ZDHHC11: variants seen among roughly 807,000 people sequenced by gnomAD.
The protein encoded by ZDHHC11 is palmitoyltransferase ZDHHC11.
ZDHHC11 carries 44 observed loss-of-function variants against 51.3 expected under a neutral mutation model. The ratio of observed to expected loss-of-function variants is 0.86; its 90% CI spans 0.67 to 1.10. ZDHHC11 has a LOEUF of 1.10. Ranked by LOEUF, ZDHHC11 falls within the 50% of genes least tolerant of loss-of-function variation. The pLI is 0.00. For synonymous variants in ZDHHC11, 163 were observed against 222.0 expected (o/e 0.73, Z 2.36); for missense variants, 400 against 537.7 (o/e 0.74, Z 2.53).
intron 12 of ZDHHC11, 97 bp downstream of exon 12, chr5:801,003 G>C (rs550758184): frequency 7.0e-7 from 1 of 1,421,732 alleles, no homozygotes; most frequent in East Asian, 2.3e-5. Flanking sequence ...CCCAGCCCTT[G>C]AGTTTGCACT....
At chr5:859,101 C>T (rs989366495), upstream of ZDHHC11, among the ~76,000 whole-genome samples, 3 of 151,954 alleles carry the variant, frequency 2.0e-5, no homozygotes, top group East Asian at 1.9e-4. Flanking sequence ...GAGATGGACT[C>T]GGGTGGAGGT....
upstream of ZDHHC11, among the ~76,000 whole-genome samples, chr5:852,092 A>G (rs7702532): frequency 0.51 from 76,966 of 151,694 alleles, 23,531 homozygotes; most frequent in African/African-American, 0.87. Context: ...AGTCAAAGTT[A>G]CCAAGGAAGG....
intron 11 of ZDHHC11, among the ~76,000 whole-genome samples, chr5:810,578 C>T (rs971511828): frequency 7.3e-5 from 11 of 151,196 alleles, no homozygotes; most frequent in Non-Finnish European, 1.3e-4. Flanking sequence ...AGTCCCTGAT[C>T]GCTAGAAACA....
intron 12 of ZDHHC11, among the ~76,000 whole-genome samples, chr5:798,810 C>T (rs1265297062): frequency 1.3e-5 from 2 of 151,254 alleles, no homozygotes; most frequent in African/African-American, 4.8e-5. Context: ...TTGAATGAGG[C>T]TAATTCATTT....
chr5:831,067 C>A (rs1472302994), intron 7 of ZDHHC11, among the ~76,000 whole-genome samples: 1 of 149,304 alleles, frequency 6.7e-6, no homozygotes, highest in Non-Finnish European at 1.5e-5. Flanking sequence ...GCAAAGAGCT[C>A]ATGACGAAGA....
chr5:799,694 C>T (rs949171487), intron 12 of ZDHHC11, among the ~76,000 whole-genome samples: 1 of 151,514 alleles, frequency 6.6e-6, no homozygotes, highest in Non-Finnish European at 1.5e-5. Context: ...CACGTAGACT[C>T]AGGCGCTGTT....
At chr5:852,454 T>G (rs188307556), upstream of ZDHHC11, among the ~76,000 whole-genome samples, 1 of 152,338 alleles carries the variant, frequency 6.6e-6, no homozygotes, top group Admixed American at 6.5e-5. Context: ...GAAAAAGTAA[T>G]ACATCCAAAT....
At chr5:819,658 G>A (rs760129770) in intron 9 of ZDHHC11, 46 bp from the exon 10 acceptor site, 1 of 1,586,810 alleles carries the variant, frequency 6.3e-7, no homozygotes, top group Non-Finnish European at 8.6e-7. Context: ...AGTTTTGTAG[G>A]GCGCTCAGGA....
chr5:854,617 CCA>C (rs1226701532), upstream of ZDHHC11, among the ~76,000 whole-genome samples: 3 of 151,118 alleles, frequency 2.0e-5, no homozygotes, highest in Non-Finnish European at 3.0e-5. Flanking sequence ...GGCACAGACC[CCA>C]CAGAGGACAG....
At position 814,741 on chromosome 5, in the gene ZDHHC11, C is replaced by G. The variant is rs771431410; in HGVS notation, c.1181+20G>C. 6.4e-7 allele frequency: 1 copy of G among 1,551,850 alleles called. No individual in the cohort carries two copies. Among genetic ancestry groups the G allele is most frequent in the East Asian group, 2.4e-5 (1 of 42,266 alleles). On this transcript the variant is annotated intron_variant, in intron 11 of 12. Coordinates refer to ENST00000283441, the MANE Select transcript of ZDHHC11 (RefSeq NM_024786.3). ...AGTGTAGAGACAGACAAAACGTTCCCGTTAAACTTACGAACTTACCCAAGT... is the reference window on the plus strand; with the variant it reads ...AGTGTAGAGACAGACAAAACGTTCCGGTTAAACTTACGAACTTACCCAAGT...
rs564620197 is a variant in ZDHHC11 at position 836,103 on chromosome 5, G to A, written c.900+1262C>T. The stretch of plus-strand genomic sequence containing the variant: ...GATATCAGAAGTAGGAGGAAAGGGC[G>A]TCATCACCTGTGCCCAGCCTCCAAG... On this transcript the variant is annotated intron_variant, in intron 6 of 12. Coordinates refer to ENST00000283441, the MANE Select transcript of ZDHHC11 (RefSeq NM_024786.3). Among the ~76,000 whole-genome samples, 3 of 148,130 alleles carry A rather than the reference G, an allele frequency of 2.0e-5. No homozygotes were observed. The South Asian group carries it at 6.4e-4, about 32-fold the overall frequency.
chr5:805,261 A>T lies in ZDHHC11; in HGVS notation c.1182-4097T>A, dbSNP rs1043036112. Among the ~76,000 whole-genome samples the T allele has an allele frequency of 7.9e-5, 12 of 151,192 alleles. 1 individual carries two copies. The highest frequency in any genetic ancestry group is 2.7e-4 in the African/African-American group (11 of 41,132). On this transcript the variant is annotated intron_variant, in intron 11 of 12. Coordinates refer to ENST00000283441, the MANE Select transcript of ZDHHC11 (RefSeq NM_024786.3). ...AAGTCCAGCCTGGCAACATACTGAT[A>T]CCCCATTTCCACAAAAATAATTTAA...
intron 11 of ZDHHC11, among the ~76,000 whole-genome samples, chr5:803,589 A>G (rs1238692888): frequency 6.6e-6 from 1 of 151,168 alleles, no homozygotes; most frequent in Non-Finnish European, 1.5e-5. Context: ...AAAAAATTAT[A>G]GAACATATAA....
intron 1 of ZDHHC11, chr5:850,149 A>G: frequency 1.8e-6 from 1 of 564,468 alleles, no homozygotes; most frequent in Non-Finnish European, 3.1e-6. Flanking sequence ...CTCCTGACAG[A>G]TTCCCTCTCC....
intron 11 of ZDHHC11, 50 bp downstream of exon 11, chr5:814,711 A>T: frequency 6.7e-7 from 1 of 1,493,356 alleles, no homozygotes; most frequent in South Asian, 1.3e-5. Context: ...ATTTGAGTTC[A>T]GGCAAGTGTA....
chr5:806,190 C>T (rs554481555), intron 11 of ZDHHC11, among the ~76,000 whole-genome samples: 1 of 151,144 alleles, frequency 6.6e-6, no homozygotes, highest in East Asian at 1.9e-4. Flanking sequence ...GAAATTAGTG[C>T]AGGGATAGAC....
At chr5:846,783 T>TC (rs1746268772) in intron 3 of ZDHHC11, among the ~76,000 whole-genome samples, 1 of 129,574 alleles carries the variant, frequency 7.7e-6, no homozygotes, top group African/African-American at 3.2e-5. Context: ...ACACCTCTCG[T>TC]CTATGAGCCT....
chr5:842,869 C>T (rs1234025043), intron 4 of ZDHHC11, among the ~76,000 whole-genome samples: 2 of 152,088 alleles, frequency 1.3e-5, no homozygotes, highest in African/African-American at 4.8e-5. Flanking sequence ...TGTGTGACTC[C>T]ACCCCTGCCT....
chr5:803,013 T>C (rs1341566276), intron 11 of ZDHHC11, among the ~76,000 whole-genome samples: 1 of 144,474 alleles, frequency 6.9e-6, no homozygotes, highest in African/African-American at 2.6e-5. Flanking sequence ...AGAGCGAGAC[T>C]CTATCTCAAA....
Sources: allele counts gnomAD v4.1 joint callset (sites outside exome capture counted in the v4.1 genomes callset), GRCh38; gene constraint gnomAD v4.1.1; transcripts MANE v1.5; gene names NCBI Gene and HGNC (gene_info 2026-07-23, HGNC 2026-07-21).